Variants in RBMS3 observed in about 807,000 individuals in gnomAD.
RBMS3 encodes RNA-binding motif, single-stranded-interacting protein 3.
RBMS3 carries 27 observed loss-of-function variants against 66.8 expected under a neutral mutation model. That is an observed-to-expected ratio of 0.40 (90% CI 0.30 to 0.56). The LOEUF (loss-of-function observed/expected upper bound fraction) is 0.56. RBMS3 is among the 20% of genes least tolerant of loss of function. RBMS3 has a pLI of 0.40. For synonymous variants in RBMS3, 188 were observed against 183.0 expected (o/e 1.03, Z -0.22); for missense variants, 513 against 549.5 (o/e 0.93, Z 0.66).
intron 1 of RBMS3, among the ~76,000 whole-genome samples, chr3:29,301,684 T>C (rs559014808): frequency 1.3e-5 from 2 of 152,180 alleles, no homozygotes; most frequent in East Asian, 3.9e-4. Flanking sequence ...AATGACCGAC[T>C]GACTGTTTTA....
chr3:29,712,898 C>T (rs78642444), intron 4 of RBMS3, among the ~76,000 whole-genome samples: 4,307 of 152,238 alleles, frequency 0.028, 87 homozygotes, highest in Admixed American at 0.064. Context: ...ACCTTGCAGA[C>T]AGCATATCCT....
intron 4 of RBMS3, among the ~76,000 whole-genome samples, chr3:29,694,769 A>T (rs1440513): frequency 0.58 from 87,913 of 151,868 alleles, 25,617 homozygotes; most frequent in African/African-American, 0.63. Flanking sequence ...ATAAAAAAAT[A>T]AAAAAAATTA....
At chr3:29,391,179 G>T (rs536763959) in intron 1 of RBMS3, 31 of 159,592 alleles carry the variant, frequency 1.9e-4, no homozygotes, top group Non-Finnish European at 1.1e-4. Flanking sequence ...AAGAATCTCC[G>T]GCCAACCATG....
chr3:29,864,929 A>G, intron 6 of RBMS3, among the ~76,000 whole-genome samples: 2 of 115,786 alleles, frequency 1.7e-5, no homozygotes, highest in Non-Finnish European at 3.6e-5. Context: ...GAAGGAAGGA[A>G]GAGAGAGAGA....
At chr3:29,357,112 A>C (rs547301472) in intron 1 of RBMS3, among the ~76,000 whole-genome samples, 39 of 152,236 alleles carry the variant, frequency 2.6e-4, no homozygotes, top group African/African-American at 9.4e-4. Flanking sequence ...GGTTTGTTAC[A>C]TATGTATACA....
chr3:29,720,158 A>C (rs1371846), intron 4 of RBMS3, among the ~76,000 whole-genome samples: 44,115 of 152,038 alleles, frequency 0.29, 6,557 homozygotes, highest in East Asian at 0.41. Flanking sequence ...CCCAGGATGC[A>C]GGAAGCTCTT....
At chr3:29,414,205 A>G (rs868000617) in intron 1 of RBMS3, among the ~76,000 whole-genome samples, 1 of 152,226 alleles carries the variant, frequency 6.6e-6, no homozygotes, top group Non-Finnish European at 1.5e-5. Flanking sequence ...TGCAAAATCA[A>G]AAACAAAAAG....
chr3:29,653,108 C>T (rs554849392), intron 4 of RBMS3, among the ~76,000 whole-genome samples: 39 of 152,140 alleles, frequency 2.6e-4, no homozygotes, highest in Non-Finnish European at 4.7e-4. Flanking sequence ...GAATTCCATT[C>T]GTTGTTAAGA....
chr3:29,799,289 T>G (rs1195663380), intron 6 of RBMS3, among the ~76,000 whole-genome samples: 4 of 152,212 alleles, frequency 2.6e-5, no homozygotes, highest in Non-Finnish European at 4.4e-5. Context: ...GCCTTTCACT[T>G]TTTTCTGAGT....
intron 12 of RBMS3, among the ~76,000 whole-genome samples, chr3:29,977,868 T>C (rs115307540): frequency 0.022 from 3,378 of 151,722 alleles, 124 homozygotes; most frequent in African/African-American, 0.077. Context: ...GTTCATGAAA[T>C]AATTATTGCA....
intron 12 of RBMS3, among the ~76,000 whole-genome samples, chr3:29,973,566 T>C (rs948392671): frequency 6.6e-6 from 1 of 151,992 alleles, no homozygotes; most frequent in African/African-American, 2.4e-5. Flanking sequence ...ACTTGGCATA[T>C]AATAGGGATT....
intron 4 of RBMS3, among the ~76,000 whole-genome samples, chr3:29,680,503 T>G (rs572832301): frequency 6.6e-6 from 1 of 152,314 alleles, no homozygotes; most frequent in Admixed American, 6.5e-5. Context: ...TTTCACTTGG[T>G]GCAAACAGTG....
intron 3 of RBMS3, among the ~76,000 whole-genome samples, chr3:29,489,917 C>G (rs941492270): frequency 2.0e-5 from 3 of 151,218 alleles, no homozygotes; most frequent in Non-Finnish European, 4.4e-5. Flanking sequence ...GTTGTAGGCA[C>G]CTGTAATCCC....
chr3:29,365,240 G>A (rs1160097939), intron 1 of RBMS3, among the ~76,000 whole-genome samples: 1 of 151,988 alleles, frequency 6.6e-6, no homozygotes, highest in East Asian at 1.9e-4. Flanking sequence ...ATATTTGTGG[G>A]AAAGCCTTCA....
chr3:29,405,966 AT>A (rs1351786066), intron 1 of RBMS3, among the ~76,000 whole-genome samples: 1 of 152,136 alleles, frequency 6.6e-6, no homozygotes, highest in Non-Finnish European at 1.5e-5. Context: ...CCCACACATG[AT>A]TTTTCCCCTG....
chr3:29,823,753 A>C (rs1299990931), intron 6 of RBMS3, among the ~76,000 whole-genome samples: 1 of 152,174 alleles, frequency 6.6e-6, no homozygotes, highest in Non-Finnish European at 1.5e-5. Flanking sequence ...CTTTAGGTGA[A>C]CACATGTGCT....
At chr3:29,730,962 A>G (rs1258720099) in intron 4 of RBMS3, 1 of 985,250 alleles carries the variant, frequency 1.0e-6, no homozygotes, top group African/African-American at 1.7e-5. Flanking sequence ...GGAGGGAGAA[A>G]TCAAGGAAAG....
At chr3:29,590,278 A>G (rs142488689) in intron 4 of RBMS3, among the ~76,000 whole-genome samples, 1 of 152,018 alleles carries the variant, frequency 6.6e-6, no homozygotes, top group African/African-American at 2.4e-5. Flanking sequence ...TCTAATAATA[A>G]CTCTTAGGTT....
At chr3:29,604,407 A>G (rs1329798102) in intron 4 of RBMS3, among the ~76,000 whole-genome samples, 1 of 151,890 alleles carries the variant, frequency 6.6e-6, no homozygotes, top group Non-Finnish European at 1.5e-5. Flanking sequence ...AGCCTTTGTG[A>G]CACTTCTATT....
Sources: allele counts gnomAD v4.1 joint callset (sites outside exome capture counted in the v4.1 genomes callset), GRCh38; gene constraint gnomAD v4.1.1; transcripts MANE v1.5; gene names NCBI Gene and HGNC (gene_info 2026-07-23, HGNC 2026-07-21).